Variants in TMEM131 observed in about 807,000 individuals in gnomAD.
TMEM131 encodes transmembrane protein 131.
A neutral mutation model predicts 211.6 loss-of-function variants in TMEM131; 66 were observed. That is an observed-to-expected ratio of 0.31 (90% CI 0.26 to 0.38). The LOEUF (loss-of-function observed/expected upper bound fraction) is 0.38, where lower values mean the gene tolerates loss of function less well. Among genes scored for constraint, TMEM131 ranks in the 10% least tolerant of loss-of-function variants. The pLI is 1.00. For missense variants in TMEM131, 2,036 were observed against 2,299.3 expected, an observed-to-expected ratio of 0.89 and a Z score of 2.34; for synonymous variants, 844 against 841.3, an observed-to-expected ratio of 1.00 and a Z score of -0.06.
chr2:97,851,391 G>C (rs1673622274), intron 5 of TMEM131, among the ~76,000 whole-genome samples: 1 of 152,120 alleles, frequency 6.6e-6, no homozygotes, highest in Non-Finnish European at 1.5e-5. Context: ...AGTCAATTTT[G>C]ACTCTTCTCT....
intron 39 of TMEM131, chr2:97,759,291 C>T (rs1678683524): frequency 3.5e-6 from 2 of 573,582 alleles, no homozygotes; most frequent in South Asian, 4.3e-5. Flanking sequence ...TCCCCACTCT[C>T]ACATGATAGC....
chr2:97,792,265 T>C lies in TMEM131; in HGVS notation c.4144+121A>G, dbSNP rs998949032. ...GTTGAAGTCCAACACTGGAGATAAA[T>C]CTGAGCCAGAGGAACCTACTGAATT... On this transcript the variant is annotated intron_variant, in intron 31 of 40. Coordinates refer to ENST00000186436, the MANE Select transcript of TMEM131 (RefSeq NM_015348.2). The C allele has an allele frequency of 7.2e-5, 56 of 779,234 alleles. No homozygotes were observed. In the African/African-American group the frequency reaches 8.7e-4, roughly 12 times the overall value. The allele number at this position is 779,234 out of a possible 1,614,324, so 48.3% of individuals were successfully genotyped here.
intron 1 of TMEM131, among the ~76,000 whole-genome samples, chr2:97,928,682 TA>T (rs1168348218): frequency 1.3e-5 from 2 of 151,806 alleles, no homozygotes; most frequent in African/African-American, 4.9e-5. Context: ...TTCTAGTTAA[TA>T]ATGCTTTTTC....
chr2:97,814,728 G>C (rs939269581), intron 13 of TMEM131, among the ~76,000 whole-genome samples: 3 of 152,138 alleles, frequency 2.0e-5, no homozygotes, highest in African/African-American at 7.2e-5. Context: ...GCCAAGTTGA[G>C]TATTAAACTA....
At chr2:97,844,966 T>G (rs2105113340) in intron 5 of TMEM131, among the ~76,000 whole-genome samples, 1 of 152,228 alleles carries the variant, frequency 6.6e-6, no homozygotes, top group Non-Finnish European at 1.5e-5. Flanking sequence ...GCTACCTAAA[T>G]GATAGCTCAA....
At chr2:97,951,115 A>G (rs1678289207) in intron 1 of TMEM131, among the ~76,000 whole-genome samples, 1 of 152,238 alleles carries the variant, frequency 6.6e-6, no homozygotes, top group Non-Finnish European at 1.5e-5. Flanking sequence ...ACTCACATTC[A>G]GCACAACCAG....
Position 97,756,647 on chromosome 2 carries a change from A to C in TMEM131, c.*452T>G, listed in dbSNP as rs1347526966. The C allele has an allele frequency of 6.5e-6, 1 of 152,898 alleles. No homozygotes were observed. Among genetic ancestry groups the C allele is most frequent in the Non-Finnish European group, 1.5e-5 (1 of 68,542 alleles). 9.5% of individuals were successfully genotyped at this position (152,898 alleles called of 1,614,324 possible). ...GCACAAAGTCCTCATACAGTTTTAA[A>C]ATTAGATCTTGGCGCATAATATTGA... On this transcript the variant is annotated 3_prime_UTR_variant, in exon 41 of 41. Transcript: ENST00000186436.
chr2:97,775,837 C>A lies in TMEM131; in HGVS notation c.4320+6G>T. The stretch of plus-strand genomic sequence containing the variant: ...TCGTGTTTTGTTGTGTGAGATCAGC[C>A]CGTACCTCCTTGAGGAGCGGTTCTG... On this transcript the variant is annotated splice_donor_region_variant and intron_variant, in intron 32 of 40. Coordinates refer to ENST00000186436, the MANE Select transcript of TMEM131 (RefSeq NM_015348.2). The A allele has an allele frequency of 6.2e-7, 1 of 1,612,014 alleles. No homozygotes were observed. Among genetic ancestry groups the A allele is most frequent in the South Asian group, 1.1e-5 (1 of 90,726 alleles).
chr2:97,874,248 T>A (rs928848090), intron 4 of TMEM131, among the ~76,000 whole-genome samples: 1 of 152,228 alleles, frequency 6.6e-6, no homozygotes, highest in Non-Finnish European at 1.5e-5. Context: ...CTACGTTTGA[T>A]TGGTGTACCT....
intron 4 of TMEM131, among the ~76,000 whole-genome samples, chr2:97,877,066 C>A (rs1381972125): frequency 6.6e-6 from 1 of 152,098 alleles, no homozygotes; most frequent in Admixed American, 6.6e-5. Context: ...CACTAACAGA[C>A]AAACAGAGAG....
intron 31 of TMEM131, among the ~76,000 whole-genome samples, chr2:97,778,522 G>A (rs923768570): frequency 1.3e-5 from 2 of 151,612 alleles, no homozygotes; most frequent in Non-Finnish European, 2.9e-5. Context: ...CTGCACTCCA[G>A]CCTGGGTGAC....
At chr2:97,803,949 G>A (rs1014026777) in intron 22 of TMEM131, among the ~76,000 whole-genome samples, 4 of 152,160 alleles carry the variant, frequency 2.6e-5, no homozygotes, top group African/African-American at 9.7e-5. Flanking sequence ...TCCATTAGAG[G>A]AAGTCTCTTT....
Position 97,995,527 on chromosome 2 carries a change from G to C in TMEM131, c.136C>G (p.Leu46Val). ...ACTACGAGGGTCATCACCAGGTGCAGCGCGCCTAGGAGGCCGGCGGCCGCG... is the reference window on the plus strand; with the variant it reads ...ACTACGAGGGTCATCACCAGGTGCACCGCGCCTAGGAGGCCGGCGGCCGCG... ...RSAAAGLLGALHLVMTLVVAA... is the reference protein window; with the variant it reads ...RSAAAGLLGAVHLVMTLVVAA... Residue 46 changes from leucine (L) to valine (V), a missense_variant, in exon 1 of 41, where the codon CTG (leucine) becomes GTG (valine). Coordinates refer to ENST00000186436, the MANE Select transcript of TMEM131 (RefSeq NM_015348.2). 1 of 1,384,180 alleles carries C rather than the reference G, an allele frequency of 7.2e-7. No homozygotes were observed. Among genetic ancestry groups the C allele is most frequent in the Non-Finnish European group, 9.4e-7 (1 of 1,062,662 alleles). The allele number at this position is 1,384,180 out of a possible 1,614,324, so 85.7% of individuals were successfully genotyped here.
intron 39 of TMEM131, 124 bp from the exon 40 acceptor site, chr2:97,759,177 C>G: frequency 8.7e-7 from 1 of 1,147,292 alleles, no homozygotes; most frequent in Non-Finnish European, 1.3e-6. Flanking sequence ...CCCACTTCAC[C>G]AGCCCACCAC....
intron 1 of TMEM131, among the ~76,000 whole-genome samples, chr2:97,954,624 G>A (rs966496723): frequency 6.6e-6 from 1 of 152,034 alleles, no homozygotes; most frequent in Non-Finnish European, 1.5e-5. Flanking sequence ...TACCAACATG[G>A]TGAAAACCCA....
At chr2:97,767,199 A>G (rs574397273) in intron 33 of TMEM131, among the ~76,000 whole-genome samples, 1 of 152,322 alleles carries the variant, frequency 6.6e-6, no homozygotes, top group African/African-American at 2.4e-5. Flanking sequence ...AAAAAAATTA[A>G]ATATATTTTT....
At chr2:97,843,733 C>G (rs1310471726) in intron 6 of TMEM131, among the ~76,000 whole-genome samples, 1 of 152,094 alleles carries the variant, frequency 6.6e-6, no homozygotes, top group Non-Finnish European at 1.5e-5. Flanking sequence ...CATTAACTTT[C>G]TTTAATGACC....
chr2:97,756,936 T>C lies in TMEM131; in HGVS notation c.*163A>G. ...TGTTATCATAATTGCAAGAAAGATC[T>C]GAAAGAAGCGAGTGGTCTGAGCCTG... On this transcript the variant is annotated 3_prime_UTR_variant, in exon 41 of 41. Transcript: ENST00000186436. The C allele has an allele frequency of 1.4e-6, 1 of 727,606 alleles. No homozygotes were observed. The highest frequency in any genetic ancestry group is 3.0e-5 in the East Asian group (1 of 33,388). The allele number at this position is 727,606 out of a possible 1,614,324, so 45.1% of individuals were successfully genotyped here. A position where few individuals can be genotyped will look rare whatever the true frequency, so the allele number is the denominator to read the frequency against.
intron 4 of TMEM131, among the ~76,000 whole-genome samples, chr2:97,885,290 C>G (rs1342254830): frequency 4.7e-5 from 7 of 149,980 alleles, no homozygotes; most frequent in African/African-American, 7.4e-5. Flanking sequence ...CTCCGCTTCC[C>G]GGTCCATTCT....
Sources: gnomAD v4.1 joint callset for allele counts (sites outside exome capture counted in the v4.1 genomes callset) on GRCh38, gnomAD v4.1.1 for gene constraint, MANE v1.5 for transcripts, NCBI Gene and HGNC (gene_info 2026-07-23, HGNC 2026-07-21) for gene names.